GRM7: variants seen among roughly 807,000 people sequenced by gnomAD.
The protein encoded by GRM7 is metabotropic glutamate receptor 7.
A neutral mutation model predicts 84.5 loss-of-function variants in GRM7; 35 were observed. That is an observed-to-expected ratio of 0.41 (90% CI 0.32 to 0.55). The LOEUF (loss-of-function observed/expected upper bound fraction) is 0.55. Ranked by LOEUF, GRM7 falls within the 20% of genes least tolerant of loss-of-function variation. GRM7 has a pLI of 0.19. For missense variants in GRM7, 1,003 were observed against 1,194.6 expected (o/e 0.84, Z 2.36); for synonymous variants, 487 against 455.1 (o/e 1.07, Z -0.89).
chr3:7,154,457 C>T (rs1289837413), intron 2 of GRM7, among the ~76,000 whole-genome samples: 8 of 152,190 alleles, frequency 5.3e-5, no homozygotes. Flanking sequence ...CTCCTCATCT[C>T]TTCTGCCTGC....
chr3:7,184,181 T>C (rs1224753554), intron 2 of GRM7, among the ~76,000 whole-genome samples: 6 of 152,148 alleles, frequency 3.9e-5, no homozygotes. Context: ...TAATATACTA[T>C]GTAGCATACT....
chr3:6,978,222 G>A (rs1694071131), intron 1 of GRM7, among the ~76,000 whole-genome samples: 1 of 148,464 alleles, frequency 6.7e-6, no homozygotes, highest in South Asian at 2.1e-4. Flanking sequence ...TGTGTAGAGG[G>A]AGGCAAGATG....
chr3:6,909,580 C>A (rs1010238017), intron 1 of GRM7, among the ~76,000 whole-genome samples: 2 of 152,014 alleles, frequency 1.3e-5, no homozygotes, highest in African/African-American at 4.8e-5. Context: ...TGGTGTCTTG[C>A]AGGACAGAAA....
At chr3:7,348,550 T>C (rs1363659129) in intron 4 of GRM7, among the ~76,000 whole-genome samples, 2 of 152,116 alleles carry the variant, frequency 1.3e-5, no homozygotes, top group Admixed American at 6.6e-5. Flanking sequence ...TGCATAAAGT[T>C]GCTAATATAG....
chr3:7,667,455 C>A (rs1450578444), intron 8 of GRM7, among the ~76,000 whole-genome samples: 1 of 152,072 alleles, frequency 6.6e-6, no homozygotes, highest in Non-Finnish European at 1.5e-5. Context: ...CAACCACCAA[C>A]ACACAAAAAG....
chr3:7,394,653 AG>A (rs55796383), intron 4 of GRM7, among the ~76,000 whole-genome samples: 152,267 of 152,268 alleles, frequency 1, 76,133 homozygotes, highest in Non-Finnish European at 1. Flanking sequence ...GGGATCTTGC[AG>A]GCAGCACTCA....
chr3:7,583,363 G>A (rs1468377539), intron 8 of GRM7, among the ~76,000 whole-genome samples: 1 of 152,090 alleles, frequency 6.6e-6, no homozygotes, highest in Non-Finnish European at 1.5e-5. Context: ...ACTAATAGAG[G>A]GATCAGAAAA....
intron 1 of GRM7, among the ~76,000 whole-genome samples, chr3:6,906,269 C>G (rs1225075272): frequency 6.6e-6 from 1 of 152,088 alleles, no homozygotes; most frequent in Admixed American, 6.6e-5. Flanking sequence ...AGGTCAAGCT[C>G]CTTTGCTGTT....
chr3:6,960,336 C>G (rs573025394), intron 1 of GRM7, among the ~76,000 whole-genome samples: 1 of 152,262 alleles, frequency 6.6e-6, no homozygotes, highest in South Asian at 2.1e-4. Flanking sequence ...GCTATGACAT[C>G]ACTTTAGCAC....
At chr3:7,531,109 G>C (rs192824405) in intron 7 of GRM7, among the ~76,000 whole-genome samples, 2 of 152,020 alleles carry the variant, frequency 1.3e-5, no homozygotes, top group African/African-American at 4.8e-5. Flanking sequence ...TCAATCTTGA[G>C]TTAATTTTTG....
At chr3:7,222,033 T>C (rs560907565) in intron 2 of GRM7, among the ~76,000 whole-genome samples, 1 of 152,150 alleles carries the variant, frequency 6.6e-6, no homozygotes, top group Non-Finnish European at 1.5e-5. Flanking sequence ...GGTTTCGAAC[T>C]CCTGACCTCA....
intron 5 of GRM7, among the ~76,000 whole-genome samples, chr3:7,436,671 A>C (rs1697069120): frequency 6.6e-6 from 1 of 152,182 alleles, no homozygotes; most frequent in South Asian, 2.1e-4. Context: ...CTACAATCAA[A>C]CTGCAAACTT....
At chr3:7,070,591 T>G (rs1697836304) in intron 1 of GRM7, among the ~76,000 whole-genome samples, 1 of 152,106 alleles carries the variant, frequency 6.6e-6, no homozygotes, top group African/African-American at 2.4e-5. Context: ...AATATCCGGA[T>G]GACAATTTTT....
intron 2 of GRM7, among the ~76,000 whole-genome samples, chr3:7,184,466 T>C (rs1695448531): frequency 6.6e-6 from 1 of 152,132 alleles, no homozygotes; most frequent in South Asian, 2.1e-4. Flanking sequence ...TGATAAAATA[T>C]ATTAATTGTT....
chr3:7,164,457 A>T (rs1694737686), intron 2 of GRM7, among the ~76,000 whole-genome samples: 1 of 152,226 alleles, frequency 6.6e-6, no homozygotes, highest in South Asian at 2.1e-4. Context: ...GAATGCTAAG[A>T]CTTCTCAAAG....
intron 1 of GRM7, among the ~76,000 whole-genome samples, chr3:6,999,079 A>T (rs182299492): frequency 5.9e-5 from 9 of 152,016 alleles, no homozygotes; most frequent in Admixed American, 4.6e-4. Context: ...AACTTTCCAA[A>T]TTTTTTTTGC....
chr3:7,085,436 G>A (rs143130943), intron 1 of GRM7, among the ~76,000 whole-genome samples: 2,465 of 152,200 alleles, frequency 0.016, 68 homozygotes, highest in African/African-American at 0.056. Context: ...AATTAAGAAT[G>A]TAAGTAATGA....
At chr3:7,572,636 C>A (rs1239357) in intron 7 of GRM7, among the ~76,000 whole-genome samples, 1 of 149,254 alleles carries the variant, frequency 6.7e-6, no homozygotes, top group African/African-American at 2.5e-5. Context: ...TGGCTAACAC[C>A]GTGAAACCCC....
At chr3:7,269,923 C>G (rs1698791147) in intron 2 of GRM7, among the ~76,000 whole-genome samples, 1 of 152,062 alleles carries the variant, frequency 6.6e-6, no homozygotes, top group African/African-American at 2.4e-5. Context: ...TTCTAACTCT[C>G]CCTGTCCCCT....
Sources: allele counts gnomAD v4.1 joint callset (sites outside exome capture counted in the v4.1 genomes callset), GRCh38; gene constraint gnomAD v4.1.1; transcripts MANE v1.5; gene names NCBI Gene and HGNC (gene_info 2026-07-23, HGNC 2026-07-21).